Variants in BRINP3 observed in about 807,000 individuals in gnomAD.
BRINP3 encodes BMP/retinoic acid inducible neural specific 3.
Under a neutral mutation model 71.0 loss-of-function variants are expected in BRINP3, and 19 were observed. That is an observed-to-expected ratio of 0.27 (90% CI 0.19 to 0.39). The LOEUF (loss-of-function observed/expected upper bound fraction) is 0.39. Ranked by LOEUF, BRINP3 falls within the 10% of genes least tolerant of loss-of-function variation. The pLI is 1.00. For synonymous variants in BRINP3, 380 were observed against 337.7 expected (o/e 1.13, Z -1.37); for missense variants, 959 against 940.8 (o/e 1.02, Z -0.25).
chr1:190,145,833 A>G (rs1170926836), intron 7 of BRINP3, among the ~76,000 whole-genome samples: 3 of 152,192 alleles, frequency 2.0e-5, no homozygotes, highest in East Asian at 1.9e-4. Flanking sequence ...ATTCACATAC[A>G]TACATATATA....
chr1:190,282,157 C>T (rs1332234110), intron 2 of BRINP3, among the ~76,000 whole-genome samples: 1 of 151,678 alleles, frequency 6.6e-6, no homozygotes, highest in Non-Finnish European at 1.5e-5. Flanking sequence ...TTCCCTTTCT[C>T]TATTCACTTT....
chr1:190,156,001 G>T (rs1656833486), intron 7 of BRINP3, among the ~76,000 whole-genome samples: 2 of 152,056 alleles, frequency 1.3e-5, no homozygotes. Context: ...GATGAAATTA[G>T]TAAGCCATTG....
chr1:190,340,268 A>T (rs1025083709), intron 2 of BRINP3, among the ~76,000 whole-genome samples: 1 of 151,916 alleles, frequency 6.6e-6, no homozygotes, highest in Admixed American at 6.6e-5. Flanking sequence ...GAATAGAAAA[A>T]TGGAGGACAC....
intron 2 of BRINP3, among the ~76,000 whole-genome samples, chr1:190,289,574 A>G (rs1390693278): frequency 6.6e-6 from 1 of 152,004 alleles, no homozygotes; most frequent in Admixed American, 6.6e-5. Context: ...TTGTTAGAAT[A>G]CAATTTTACA....
intron 3 of BRINP3, among the ~76,000 whole-genome samples, chr1:190,270,250 T>C (rs1293384663): frequency 2.0e-5 from 3 of 151,746 alleles, no homozygotes; most frequent in Non-Finnish European, 4.4e-5. Flanking sequence ...AAATATGATA[T>C]TTAAAGAAAC....
rs369457509 is a variant in BRINP3 at position 190,098,411 on chromosome 1, A to G, written c.1908T>C (p.Asn636=). ...HIYLRSRIKS[N]GPNGNESIYY... ...AAATGCTCTCATTACCATTGGGACC[A>G]TTGGACTTGATGCGACTTCTCAGGT... Residue 636 remains asparagine (N), a synonymous_variant, in exon 8 of 8, where the codon AAT becomes AAC. Transcript: ENST00000367462. 1.2e-6 allele frequency: 2 copies of G among 1,614,204 alleles called. No homozygotes were observed. Among genetic ancestry groups the G allele is most frequent in the Non-Finnish European group, 8.5e-7 (1 of 1,180,042 alleles).
intron 2 of BRINP3, among the ~76,000 whole-genome samples, chr1:190,378,888 C>T (rs1170802424): frequency 6.6e-6 from 1 of 152,076 alleles, no homozygotes; most frequent in African/African-American, 2.4e-5. Context: ...TTCACATGAC[C>T]CCAGTAGGAC....
intron 2 of BRINP3, among the ~76,000 whole-genome samples, chr1:190,427,023 T>C (rs1468958602): frequency 6.6e-6 from 1 of 151,890 alleles, no homozygotes; most frequent in Non-Finnish European, 1.5e-5. Flanking sequence ...ATCTTTACAC[T>C]TCAGGTATGT....
chr1:190,314,119 T>C (rs1665721230), intron 2 of BRINP3, among the ~76,000 whole-genome samples: 1 of 152,042 alleles, frequency 6.6e-6, no homozygotes, highest in Non-Finnish European at 1.5e-5. Context: ...ATAGATATTT[T>C]GAGATTAAAA....
In BRINP3 at chr1:190,370,044, C is replaced by A. The variant is rs780017623; in HGVS notation, c.236+84611G>T. On this transcript the variant is annotated intron_variant, in intron 2 of 7. Coordinates refer to ENST00000367462, the MANE Select transcript of BRINP3 (RefSeq NM_199051.3). ...TCAGCCTGCCAGAATGAACCACACACTTTGACCATCTCAGTGAAGAAATTG... is the reference window on the plus strand; with the variant it reads ...TCAGCCTGCCAGAATGAACCACACAATTTGACCATCTCAGTGAAGAAATTG... Among the ~76,000 whole-genome samples the A allele has an allele frequency of 4.7e-4, 72 of 152,118 alleles. 1 individual carries two copies. The highest frequency in any genetic ancestry group is 3.9e-4 in the Admixed American group (6 of 15,262).
chr1:190,349,515 A>G (rs747379852), intron 2 of BRINP3, among the ~76,000 whole-genome samples: 1 of 152,150 alleles, frequency 6.6e-6, no homozygotes, highest in Non-Finnish European at 1.5e-5. Flanking sequence ...TGTGCTTTCT[A>G]TTAGTCATTT....
At chr1:190,104,089 G>A (rs1031847400) in intron 7 of BRINP3, among the ~76,000 whole-genome samples, 1 of 151,970 alleles carries the variant, frequency 6.6e-6, no homozygotes, top group Non-Finnish European at 1.5e-5. Context: ...TGTGTTGAAA[G>A]TTTTGTTTCA....
intron 6 of BRINP3, among the ~76,000 whole-genome samples, chr1:190,221,488 AAGAC>A (rs1329203349): frequency 6.8e-6 from 1 of 146,120 alleles, no homozygotes; most frequent in Non-Finnish European, 1.6e-5. Context: ...ATCACAAAGA[AAGAC>A]AGTAAGAAGA....
chr1:190,477,014 A>G (rs771468166), intron 1 of BRINP3, among the ~76,000 whole-genome samples: 2 of 152,180 alleles, frequency 1.3e-5, no homozygotes, highest in African/African-American at 2.4e-5. Flanking sequence ...GCTGACCTGA[A>G]CAACCTTCTG....
At chr1:190,376,264 T>G (rs1670176206) in intron 2 of BRINP3, among the ~76,000 whole-genome samples, 1 of 152,030 alleles carries the variant, frequency 6.6e-6, no homozygotes, top group East Asian at 1.9e-4. Flanking sequence ...TTCACTGTTT[T>G]GACTAAATGC....
intron 2 of BRINP3, among the ~76,000 whole-genome samples, chr1:190,290,911 G>A (rs1015594293): frequency 1.4e-4 from 21 of 150,880 alleles, no homozygotes; most frequent in Non-Finnish European, 2.2e-4. Context: ...GTGTGTGCAC[G>A]TGTGTGTGTG....
intron 2 of BRINP3, among the ~76,000 whole-genome samples, chr1:190,402,158 G>A (rs1255080495): frequency 6.6e-6 from 1 of 152,048 alleles, no homozygotes; most frequent in Non-Finnish European, 1.5e-5. Context: ...GATCACTGAT[G>A]TCGTAGATGT....
intron 2 of BRINP3, among the ~76,000 whole-genome samples, chr1:190,452,418 CT>C (rs1391704401): frequency 5.3e-5 from 8 of 152,148 alleles, no homozygotes; most frequent in Non-Finnish European, 1.0e-4. Context: ...TAGCACAGGG[CT>C]AATGAAGGTC....
chr1:190,283,485 A>G (rs1663192943), intron 2 of BRINP3, among the ~76,000 whole-genome samples: 1 of 151,836 alleles, frequency 6.6e-6, no homozygotes, highest in Admixed American at 6.6e-5. Flanking sequence ...TTATAGGCTG[A>G]ATTTATTATA....
Sources: gnomAD v4.1 joint callset for allele counts (sites outside exome capture counted in the v4.1 genomes callset) on GRCh38, gnomAD v4.1.1 for gene constraint, MANE v1.5 for transcripts, NCBI Gene and HGNC (gene_info 2026-07-23, HGNC 2026-07-21) for gene names.